Variants in NOL8 observed in about 807,000 individuals in gnomAD.
NOL8 encodes the protein nucleolar protein Nop132.
NOL8 carries 93 observed loss-of-function variants against 116.1 expected under a neutral mutation model. That is an observed-to-expected ratio of 0.80 (90% CI 0.68 to 0.95). The LOEUF is 0.95. NOL8 is among the 40% of genes least tolerant of loss of function. The probability of loss-of-function intolerance (pLI) is 0.00; values close to 1 mark genes in which losing one functional copy is unlikely to be tolerated. For synonymous variants in NOL8, 419 were observed against 469.0 expected (o/e 0.89, Z 1.38); for missense variants, 1,291 against 1,382.8 (o/e 0.93, Z 1.05).
Position 92,314,467 on chromosome 9 carries a change from G to C in NOL8, c.2158C>G (p.Leu720Val), listed in dbSNP as rs747686081. Reference sequence around the variant, plus strand: ...GATGAGACCTTTGGTGATTTCTTGAGAGATGTGAGGCCGCTTGAATCAGAC... The same window carrying C: ...GATGAGACCTTTGGTGATTTCTTGACAGATGTGAGGCCGCTTGAATCAGAC... Reference protein sequence around the residue: ...ERSDSSGLTSLKKSPKVSSKD... With the variant: ...ERSDSSGLTSVKKSPKVSSKD... The change falls in exon 7 of 17, where the codon CTC becomes GTC. Residue 720 changes from leucine (L) to valine (V), a missense_variant. Physicochemically the swap from Leu to Val is conservative, Grantham distance 32. Transcript: ENST00000442668. 5 of 1,612,574 alleles carry C rather than the reference G, an allele frequency of 3.1e-6. No homozygotes were observed. In the East Asian group the frequency reaches 1.1e-4, roughly 36 times the overall value.
Position 92,319,230 on chromosome 9 carries a change from T to C in NOL8, c.408A>G (p.Pro136=). 1 of 1,565,842 alleles carries C rather than the reference T, an allele frequency of 6.4e-7. No homozygotes were observed. Among genetic ancestry groups the C allele is most frequent in the Non-Finnish European group, 8.6e-7 (1 of 1,161,874 alleles). ...TACAGAGGAGACTCACCTTATGCCC[T>C]GGCACTTCTGTCCCTGGCACAGCTT... ...HMKAVPGTEV[P]GHKNWVVSKF... The change falls in exon 5 of 17, where the codon CCA becomes CCG. Residue 136 remains proline (P), a synonymous_variant. Transcript: ENST00000442668.
rs113740493 is a variant in NOL8 at position 92,320,629 on chromosome 9, A to C, written c.281+1039T>G. Among the ~76,000 whole-genome samples the C allele has an allele frequency of 4.0e-5, 6 of 151,698 alleles. 1 individual carries two copies. The highest frequency in any genetic ancestry group is 1.5e-4 in the African/African-American group (6 of 41,358). On this transcript the variant is annotated intron_variant, in intron 4 of 16. Coordinates refer to ENST00000442668, the MANE Select transcript of NOL8 (RefSeq NM_017948.6). ...TTTTCCTTTTTTTTTGTTTGAGACA[A>C]GAGTTTCACTCCTGTTGCCCAGGCT...
chr9:92,306,316 AC>A (rs1293563260), intron 11 of NOL8, among the ~76,000 whole-genome samples: 1 of 152,146 alleles, frequency 6.6e-6, no homozygotes, highest in Non-Finnish European at 1.5e-5. Flanking sequence ...TAAACTACCT[AC>A]TTTTGAGATT....
rs1837743641 is a variant in NOL8, at chr9:92,301,535, GA to G, written c.3175+15del. 4 of 1,547,384 alleles carry G rather than the reference GA, an allele frequency of 2.6e-6. No homozygotes were observed. The highest frequency in any genetic ancestry group is 2.6e-6 in the Non-Finnish European group (3 of 1,151,166). On this transcript the variant is annotated intron_variant, in intron 13 of 16. Coordinates refer to ENST00000442668, the MANE Select transcript of NOL8 (RefSeq NM_017948.6). ...AACTGAATAAAATAAAAAAGTATGG[GA>G]AAAAAGAAAAGTACCTTCCTTTATG...
At chr9:92,323,587 T>TA (rs879022435) in intron 2 of NOL8, 84 bp from the exon 3 acceptor site, 6,806 of 941,614 alleles carry the variant, frequency 7.2e-3, no homozygotes, top group South Asian at 0.011. Flanking sequence ...GTTTCTAAAT[T>TA]AAAAAAAAAA....
At chr9:92,310,841 G>A (rs1303265444) in intron 8 of NOL8, 166 bp from the exon 9 acceptor site, 7 of 697,728 alleles carry the variant, frequency 1.0e-5, no homozygotes, top group Non-Finnish European at 1.6e-5. Flanking sequence ...AAATCTAACT[G>A]GCCTCTGGGA....
intron 10 of NOL8, chr9:92,308,939 A>G (rs1838520503): frequency 6.6e-6 from 1 of 152,252 alleles, no homozygotes; most frequent in African/African-American, 2.4e-5. Flanking sequence ...GGTTCTGTTC[A>G]TTCTTGTGTT....
chr9:92,314,884 C>A lies in NOL8; in HGVS notation c.1741G>T (p.Glu581Ter). The change falls in exon 7 of 17, where the codon GAA becomes TAA. Residue 581 changes from glutamate to a stop codon, truncating the protein, a stop_gained. Coordinates refer to ENST00000442668, the MANE Select transcript of NOL8 (RefSeq NM_017948.6). LOFTEE classifies it high-confidence loss of function. ...QAFKGVGCLYEKESMKKSLKD... is the reference protein window; with the variant it reads ...QAFKGVGCLY ...AAGGATTTTTTCATTGACTCCTTTT[C>A]ATATAGACAGCCTACTCCCTTGAAA... The A allele has an allele frequency of 1.2e-6, 2 of 1,613,600 alleles. No homozygotes were observed. Among genetic ancestry groups the A allele is most frequent in the Non-Finnish European group, 1.7e-6 (2 of 1,179,824 alleles).
rs1838945241 is a variant in NOL8 at position 92,312,806 on chromosome 9, A to T, written c.2358+1461T>A. 2.0e-5 allele frequency among the ~76,000 whole-genome samples: 3 copies of T among 148,070 alleles called. No homozygotes were observed. The Admixed American group carries it at 2.0e-4, about 10-fold the overall frequency. ...CACACCATTGTACTCCAGCCTGGGC[A>T]ACAAGAGCAAAACTCCATCTCAAAA... On this transcript the variant is annotated intron_variant, in intron 7 of 16. Coordinates refer to ENST00000442668, the MANE Select transcript of NOL8 (RefSeq NM_017948.6).
In NOL8 at chr9:92,324,200, A is replaced by G; in HGVS notation, c.-39T>C. 6.3e-7 allele frequency: 1 copy of G among 1,593,956 alleles called. No individual in the cohort carries two copies. Among genetic ancestry groups the G allele is most frequent in the African/African-American group, 1.4e-5 (1 of 74,000 alleles). On this transcript the variant is annotated 5_prime_UTR_variant, in exon 2 of 17. Transcript: ENST00000442668. ...ATACTTGGGTGTGTTTCAGTGGGAAAAGTAATTTTCTGTATACAGAGAAGA... is the reference window on the plus strand; with the variant it reads ...ATACTTGGGTGTGTTTCAGTGGGAAGAGTAATTTTCTGTATACAGAGAAGA...
intron 10 of NOL8, 144 bp downstream of exon 10, chr9:92,310,027 T>C: frequency 1.6e-6 from 1 of 608,868 alleles, no homozygotes; most frequent in East Asian, 2.8e-5. Context: ...AAACTTAGTA[T>C]TAACTGTACA....
rs148104355 is a variant in NOL8, at chr9:92,313,861, C to T, written c.2358+406G>A. Among the ~76,000 whole-genome samples, 489 of 152,300 alleles carry T rather than the reference C, an allele frequency of 3.2e-3. 3 individuals carry two copies. Among genetic ancestry groups the T allele is most frequent in the Non-Finnish European group, 5.8e-3 (394 of 68,020 alleles). ...GAACTGTGACTGTCAGCATGCCACA[C>T]CATGAGCCAAAAACTGTATGAAAGG... On this transcript the variant is annotated intron_variant, in intron 7 of 16. Transcript: ENST00000442668.
chr9:92,314,431 G>A lies in NOL8; in HGVS notation c.2194C>T (p.Arg732Trp), dbSNP rs758309678. The A allele has an allele frequency of 9.3e-6, 15 of 1,613,282 alleles. No individual in the cohort carries two copies. The highest frequency in any genetic ancestry group is 2.2e-5 in the South Asian group (2 of 91,050). ...KSPKVSSKDT[R>W]EIKTDFSLSI... The stretch of plus-strand genomic sequence containing the variant: ...AGTGAGAAATCAGTTTTGATTTCCC[G>A]AGTGTCCTTGGATGAGACCTTTGGT... Residue 732 changes from arginine (R) to tryptophan (W), a missense_variant, in exon 7 of 17, where the codon CGG becomes TGG. Physicochemically the swap from Arg to Trp is moderately radical, Grantham distance 101 (BLOSUM62 -3). Coordinates refer to ENST00000442668, the MANE Select transcript of NOL8 (RefSeq NM_017948.6).
At chr9:92,298,704 G>A (rs1162001074) in intron 15 of NOL8, 180 bp downstream of exon 15, 4 of 482,706 alleles carry the variant, frequency 8.3e-6, no homozygotes, top group Non-Finnish European at 1.5e-5. Context: ...AGCGGGCAAA[G>A]AAAGTGGTGA....
Position 92,305,817 on chromosome 9 carries a change from A to G in NOL8, c.2839T>C (p.Tyr947His). The G allele has an allele frequency of 6.2e-7, 1 of 1,611,972 alleles. No individual in the cohort carries two copies. The highest frequency in any genetic ancestry group is 8.5e-7 in the Non-Finnish European group (1 of 1,178,354). ...GCATGGTCTTGCTTCGTTGGATCATAATGTATGATGTCCCTATGTAAAAAA... is the reference window on the plus strand; with the variant it reads ...GCATGGTCTTGCTTCGTTGGATCATGATGTATGATGTCCCTATGTAAAAAA... ...AAKKFKDIIHYDPTKQDHATY... is the reference protein window; with the variant it reads ...AAKKFKDIIHHDPTKQDHATY... Residue 947 changes from tyrosine (Y) to histidine (H), a missense_variant, in exon 12 of 17, where the codon TAT becomes CAT. By Grantham distance (83) the Tyr-to-His change is moderately conservative (BLOSUM62 2). Coordinates refer to ENST00000442668, the MANE Select transcript of NOL8 (RefSeq NM_017948.6).
chr9:92,320,099 C>T (rs752074751), intron 4 of NOL8: 13 of 455,950 alleles, frequency 2.9e-5, no homozygotes, highest in Middle Eastern at 3.2e-4. Context: ...AGGTATCTTT[C>T]GGAGCCCAAT....
rs928947686 is a variant in NOL8 at position 92,299,043 on chromosome 9, T to C, written c.3303-89A>G. 4.8e-5 allele frequency: 28 copies of C among 582,536 alleles called. No individual in the cohort carries two copies. The African/African-American group carries it at 5.2e-4, about 11-fold the overall frequency. 36.1% of individuals were successfully genotyped at this position (582,536 alleles called of 1,614,324 possible). On this transcript the variant is annotated intron_variant, in intron 14 of 16. Coordinates refer to ENST00000442668, the MANE Select transcript of NOL8 (RefSeq NM_017948.6). ...AGAAGAAATATTTACATTCAAAACA[T>C]AAATACACTATTTCTTAAATATATC...
chr9:92,298,069 T>G (rs1229328349), intron 16 of NOL8, among the ~76,000 whole-genome samples, 183 bp from the exon 17 acceptor site: 2 of 152,212 alleles, frequency 1.3e-5, no homozygotes, highest in Non-Finnish European at 2.9e-5. Flanking sequence ...GGAACTATAA[T>G]TCAGTCTTTA....
At chr9:92,310,334 G>A in intron 9 of NOL8, 73 bp from the exon 10 acceptor site, 1 of 1,329,178 alleles carries the variant, frequency 7.5e-7, no homozygotes, top group Non-Finnish European at 1.1e-6. Flanking sequence ...GACTGTCAAT[G>A]TACACCTCCC....
Sources: gnomAD v4.1 joint callset for allele counts (sites outside exome capture counted in the v4.1 genomes callset) on GRCh38, gnomAD v4.1.1 for gene constraint, MANE v1.5 for transcripts, NCBI Gene and HGNC (gene_info 2026-07-23, HGNC 2026-07-21) for gene names.